Variants in PCSK1 observed in about 807,000 individuals in gnomAD.
PCSK1 encodes proprotein convertase subtilisin/kexin type 1, also known as neuroendocrine convertase 1.
PCSK1 carries 56 observed loss-of-function variants against 90.6 expected under a neutral mutation model. The observed-to-expected ratio is 0.62, with a 90% CI of 0.50 to 0.77. The LOEUF (loss-of-function observed/expected upper bound fraction) is 0.77. Ranked by LOEUF, PCSK1 falls within the 30% of genes least tolerant of loss-of-function variation. The pLI, the probability that PCSK1 is intolerant of heterozygous loss-of-function variation, is 0.00. For missense variants in PCSK1, 801 were observed against 932.6 expected (o/e 0.86, Z 1.84); for synonymous variants, 348 against 342.4 (o/e 1.02, Z -0.18).
intron 3 of PCSK1, among the ~76,000 whole-genome samples, chr5:96,425,056 GAAAGAAAGA>G (rs1023931372): frequency 1.7e-5 from 2 of 120,408 alleles, no homozygotes; most frequent in Admixed American, 7.9e-5. Context: ...AAGAAAGAAA[GAAAGAAAGA>G]AAGAAAGAAA....
chr5:96,420,990 G>T (rs937207831), intron 5 of PCSK1, among the ~76,000 whole-genome samples: 3 of 152,232 alleles, frequency 2.0e-5, no homozygotes, highest in Non-Finnish European at 4.4e-5. Context: ...TTTGGTGCAA[G>T]TCTCTTCTGT....
intron 5 of PCSK1, among the ~76,000 whole-genome samples, chr5:96,420,921 G>A (rs538213060): frequency 1.3e-5 from 2 of 152,158 alleles, no homozygotes; most frequent in Non-Finnish European, 2.9e-5. Flanking sequence ...TTAGATGCTT[G>A]GCTTTTTCCA....
chr5:96,425,062 AAGAAAG>A (rs1554059793), intron 3 of PCSK1, among the ~76,000 whole-genome samples: 1 of 142,436 alleles, frequency 7.0e-6, no homozygotes, highest in Admixed American at 6.9e-5. Context: ...GAAAGAAAGA[AAGAAAG>A]AAAGAAAACG....
intron 5 of PCSK1, among the ~76,000 whole-genome samples, chr5:96,418,148 A>G (rs960021020): frequency 1.3e-5 from 2 of 152,198 alleles, no homozygotes; most frequent in African/African-American, 4.8e-5. Context: ...CATGGTACAA[A>G]TATGCATTGA....
intron 9 of PCSK1, among the ~76,000 whole-genome samples, chr5:96,405,233 A>G (rs547874838): frequency 3.8e-4 from 58 of 152,328 alleles, no homozygotes; most frequent in Non-Finnish European, 7.9e-4. Context: ...AAGGGAATTA[A>G]ATTCTTATGA....
chr5:96,400,846 G>A (rs1241344761), intron 9 of PCSK1, among the ~76,000 whole-genome samples: 2 of 132,380 alleles, frequency 1.5e-5, no homozygotes, highest in Non-Finnish European at 3.2e-5. Context: ...CCAGCACTTT[G>A]GGAGGCCGAG....
chr5:96,406,609 C>A (rs3792744), intron 9 of PCSK1, among the ~76,000 whole-genome samples: 27,984 of 152,116 alleles, frequency 0.18, 3,217 homozygotes, highest in Middle Eastern at 0.25. Flanking sequence ...CCCAGGGATC[C>A]TAGAGATAAA....
At chr5:96,430,610 T>A (rs1761460457) in intron 1 of PCSK1, among the ~76,000 whole-genome samples, 2 of 152,164 alleles carry the variant, frequency 1.3e-5, no homozygotes, top group Non-Finnish European at 2.9e-5. Context: ...AATATAGTAA[T>A]GCTAAATTAG....
At chr5:96,412,629 A>G (rs141177760) in intron 6 of PCSK1, 139 bp from the exon 7 acceptor site, 4 of 779,188 alleles carry the variant, frequency 5.1e-6, no homozygotes, top group Non-Finnish European at 6.3e-6. Flanking sequence ...GATGTCCCCA[A>G]TTTCTGTAAC....
At chr5:96,416,511 T>C (rs778303798) in intron 5 of PCSK1, among the ~76,000 whole-genome samples, 4 of 152,256 alleles carry the variant, frequency 2.6e-5, no homozygotes, top group Non-Finnish European at 5.9e-5. Context: ...TTCAGAGAAA[T>C]GGCTTCTGCT....
At chr5:96,421,281 G>T (rs1561374139) in intron 5 of PCSK1, among the ~76,000 whole-genome samples, 1 of 152,214 alleles carries the variant, frequency 6.6e-6, no homozygotes, top group Non-Finnish European at 1.5e-5. Context: ...GGAGTCGGGT[G>T]CTGTCTCCTC....
intron 8 of PCSK1, among the ~76,000 whole-genome samples, chr5:96,409,079 A>G (rs370263256): frequency 9.3e-4 from 142 of 152,342 alleles, no homozygotes; most frequent in Middle Eastern, 3.4e-3. Context: ...GTAGTTTTAC[A>G]TAATTTTCTT....
intron 9 of PCSK1, among the ~76,000 whole-genome samples, chr5:96,403,534 C>T (rs774877045): frequency 1.3e-5 from 2 of 152,162 alleles, no homozygotes; most frequent in Non-Finnish European, 2.9e-5. Flanking sequence ...TTCCTGACAG[C>T]CTTCCTTTGT....
chr5:96,417,602 G>A (rs1760977682), intron 5 of PCSK1, among the ~76,000 whole-genome samples: 1 of 152,066 alleles, frequency 6.6e-6, no homozygotes, highest in Non-Finnish European at 1.5e-5. Context: ...GCAGAGGCGA[G>A]CAGCACTAGA....
At chr5:96,423,759 A>G (rs142090431) in intron 3 of PCSK1, among the ~76,000 whole-genome samples, 21 of 152,326 alleles carry the variant, frequency 1.4e-4, no homozygotes, top group African/African-American at 5.1e-4. Context: ...TCTTTCATTT[A>G]TAATAACATG....
In PCSK1 at chr5:96,425,017, AAAGAAAGAAAGAAAG is replaced by A. The variant is rs1187861729; in HGVS notation, c.396+788_396+802del. 4.3e-5 allele frequency among the ~76,000 whole-genome samples: 2 copies of A among 46,188 alleles called. 1 individual carries two copies. The highest frequency in any genetic ancestry group is 9.2e-5 in the Non-Finnish European group (2 of 21,682). The allele number at this position is 46,188 out of a possible 152,430, so 30.3% of individuals were successfully genotyped here. A position where few individuals can be genotyped will look rare whatever the true frequency, so the allele number is the denominator to read the frequency against. ...AGAAAGAGAAAGAAAGAAAAGAAAG[AAAGAAAGAAAGAAAG>A]AAAGAAAGAAAGAAAGAAAGAAAGA... On this transcript the variant is annotated intron_variant, in intron 3 of 13. Coordinates refer to ENST00000311106, the MANE Select transcript of PCSK1 (RefSeq NM_000439.5).
At chr5:96,394,102 T>C (rs982872243) in intron 13 of PCSK1, among the ~76,000 whole-genome samples, 8 of 152,246 alleles carry the variant, frequency 5.3e-5, no homozygotes, top group Admixed American at 4.6e-4. Flanking sequence ...TTCTTGAATA[T>C]GTACTTTGCC....
chr5:96,427,820 C>G (rs13153972), intron 2 of PCSK1, among the ~76,000 whole-genome samples: 15 of 152,232 alleles, frequency 9.9e-5, no homozygotes, highest in African/African-American at 3.4e-4. Flanking sequence ...CTGCTTAGCC[C>G]GGGGACTAAG....
In PCSK1 at chr5:96,390,576, C is replaced by T. The variant is rs1019936726; in HGVS notation, c.*2425G>A. The T allele has an allele frequency of 2.0e-5, 3 of 152,494 alleles. No individual in the cohort carries two copies. The highest frequency in any genetic ancestry group is 7.2e-5 in the African/African-American group (3 of 41,410). 9.4% of individuals were successfully genotyped at this position (152,494 alleles called of 1,614,324 possible). Reference sequence around the variant, plus strand: ...TTTTTTTCATTGACAGAGGAACATGCCTTTCAAAAATATTTTATTGGGTGA... The same window carrying T: ...TTTTTTTCATTGACAGAGGAACATGTCTTTCAAAAATATTTTATTGGGTGA... On this transcript the variant is annotated 3_prime_UTR_variant, in exon 14 of 14. Transcript: ENST00000311106.
Sources: allele counts gnomAD v4.1 joint callset (sites outside exome capture counted in the v4.1 genomes callset), GRCh38; gene constraint gnomAD v4.1.1; transcripts MANE v1.5; gene names NCBI Gene and HGNC (gene_info 2026-07-23, HGNC 2026-07-21).